EPHA5: variants seen among roughly 807,000 people sequenced by gnomAD.
EPHA5 encodes ephrin type-A receptor 5.
EPHA5 carries 60 observed loss-of-function variants against 105.0 expected under a neutral mutation model. The observed-to-expected ratio is 0.57, with a 90% CI of 0.46 to 0.71. EPHA5 has a LOEUF of 0.71. Among genes scored for constraint, EPHA5 ranks in the 30% least tolerant of loss-of-function variants. The pLI is 0.00. For missense variants in EPHA5, 1,218 were observed against 1,274.7 expected, an observed-to-expected ratio of 0.96 and a Z score of 0.68; for synonymous variants, 513 against 449.1, an observed-to-expected ratio of 1.14 and a Z score of -1.80.
intron 1 of EPHA5, among the ~76,000 whole-genome samples, chr4:65,650,905 T>G (rs1748552253): frequency 6.6e-6 from 1 of 152,212 alleles, no homozygotes; most frequent in African/African-American, 2.4e-5. Context: ...TCTTATTATT[T>G]TGACACAAGT....
intron 5 of EPHA5, among the ~76,000 whole-genome samples, chr4:65,475,779 A>T (rs1262337977): frequency 6.6e-6 from 1 of 152,170 alleles, no homozygotes. Flanking sequence ...CCACGTTTAC[A>T]TTGAATAGCA....
intron 1 of EPHA5, among the ~76,000 whole-genome samples, chr4:65,656,606 A>C (rs1247571466): frequency 6.8e-6 from 1 of 147,430 alleles, no homozygotes; most frequent in Non-Finnish European, 1.5e-5. Context: ...TATAATATAT[A>C]TATAATAATG....
intron 8 of EPHA5, among the ~76,000 whole-genome samples, chr4:65,377,649 T>C (rs1377685282): frequency 6.6e-6 from 1 of 151,960 alleles, no homozygotes; most frequent in Non-Finnish European, 1.5e-5. Context: ...TCCAAATATA[T>C]ATTTTCAGAG....
At chr4:65,369,272 T>C (rs1718224791) in intron 8 of EPHA5, among the ~76,000 whole-genome samples, 1 of 152,160 alleles carries the variant, frequency 6.6e-6, no homozygotes, top group African/African-American at 2.4e-5. Context: ...AATTGATGAT[T>C]AAGTGTACAA....
rs1719575000 is a variant in EPHA5, at chr4:65,320,700, G to A, written c.*3414C>T. ...AAGTAGAAGACATGAAAACACATAA[G>A]TGCTCAAATGATATTAACTTTCCAT... is the stretch of plus-strand genomic sequence containing the variant. On this transcript the variant is annotated 3_prime_UTR_variant, in exon 17 of 17. Coordinates refer to ENST00000613740, the MANE Select transcript of EPHA5 (RefSeq NM_001281766.3). The A allele has an allele frequency of 4.3e-6, 1 of 229,944 alleles. No homozygotes were observed. Among genetic ancestry groups the A allele is most frequent in the South Asian group, 1.8e-4 (1 of 5,502 alleles). 14.2% of individuals were successfully genotyped at this position (229,944 alleles called of 1,614,324 possible). A position where few individuals can be genotyped will look rare whatever the true frequency, so the allele number is the denominator to read the frequency against.
chr4:65,601,243 T>A (rs1405191352), intron 3 of EPHA5, among the ~76,000 whole-genome samples: 1 of 152,190 alleles, frequency 6.6e-6, no homozygotes. Flanking sequence ...ATCTAAGATT[T>A]TGCATTTAAA....
chr4:65,561,309 T>G (rs757518143), intron 3 of EPHA5, among the ~76,000 whole-genome samples: 1 of 152,070 alleles, frequency 6.6e-6, no homozygotes, highest in Non-Finnish European at 1.5e-5. Context: ...ATCACTAGAA[T>G]GCCAATCACT....
Position 65,414,500 on chromosome 4 carries a change from GC to G in EPHA5, c.1528-58del, listed in dbSNP as rs1723209879. ...GACAGCATATAAATTACTAATGACA[GC>G]AAAATTTAGAATCATAGATCAGAAA... On this transcript the variant is annotated intron_variant, in intron 6 of 16. Transcript: ENST00000613740. 3.2e-6 allele frequency: 5 copies of G among 1,543,630 alleles called. No homozygotes were observed. The East Asian group carries it at 1.1e-4, about 35-fold the overall frequency.
At chr4:65,600,027 A>G (rs1451191190) in intron 3 of EPHA5, among the ~76,000 whole-genome samples, 1 of 152,212 alleles carries the variant, frequency 6.6e-6, no homozygotes, top group Non-Finnish European at 1.5e-5. Context: ...ATTCTCTAAA[A>G]TGATAGAAAC....
chr4:65,426,489 CT>C (rs149949084), intron 5 of EPHA5, among the ~76,000 whole-genome samples: 2,636 of 152,054 alleles, frequency 0.017, 69 homozygotes, highest in African/African-American at 0.06. Context: ...TATTTCTTTA[CT>C]TGTGTATTGT....
chr4:65,568,182 AC>A (rs1739755529), intron 3 of EPHA5, among the ~76,000 whole-genome samples: 1 of 151,518 alleles, frequency 6.6e-6, no homozygotes, highest in Admixed American at 6.6e-5. Flanking sequence ...TTTTCAAACA[AC>A]TTTTAATTTT....
At chr4:65,661,337 T>C (rs533063208) in intron 1 of EPHA5, among the ~76,000 whole-genome samples, 1 of 152,234 alleles carries the variant, frequency 6.6e-6, no homozygotes, top group Admixed American at 6.5e-5. Context: ...GTTTCACAAG[T>C]TTAAATCAAA....
intron 1 of EPHA5, among the ~76,000 whole-genome samples, chr4:65,660,031 C>T (rs998346593): frequency 7.2e-5 from 11 of 152,134 alleles, no homozygotes; most frequent in African/African-American, 2.6e-4. Context: ...TAATGAATTT[C>T]TATACAGACT....
chr4:65,432,999 C>T (rs1406416482), intron 5 of EPHA5, among the ~76,000 whole-genome samples: 2 of 151,892 alleles, frequency 1.3e-5, no homozygotes, highest in African/African-American at 2.4e-5. Context: ...TATAATGATA[C>T]AATGTGGTGT....
At chr4:65,488,902 T>TTTG in intron 5 of EPHA5, among the ~76,000 whole-genome samples, 1 of 150,158 alleles carries the variant, frequency 6.7e-6, no homozygotes, top group Non-Finnish European at 1.5e-5. Context: ...TTTTTTTTTT[T>TTTG]TGAGACGGAG....
At chr4:65,576,648 T>A (rs536922625) in intron 3 of EPHA5, among the ~76,000 whole-genome samples, 2 of 152,336 alleles carry the variant, frequency 1.3e-5, no homozygotes, top group Non-Finnish European at 2.9e-5. Context: ...GTTAAATGTC[T>A]TCCTCCAGTT....
At chr4:65,509,932 G>A (rs748187897) in intron 3 of EPHA5, among the ~76,000 whole-genome samples, 9 of 152,064 alleles carry the variant, frequency 5.9e-5, no homozygotes, top group Non-Finnish European at 1.3e-4. Context: ...GTTCAGGACA[G>A]GTGGATCTGG....
At chr4:65,537,548 A>T (rs182922184) in intron 3 of EPHA5, among the ~76,000 whole-genome samples, 1 of 151,892 alleles carries the variant, frequency 6.6e-6, no homozygotes, top group East Asian at 1.9e-4. Context: ...GGCTCAATAT[A>T]TCTTTTAGTT....
intron 5 of EPHA5, among the ~76,000 whole-genome samples, chr4:65,446,669 G>A (rs953294634): frequency 6.6e-6 from 1 of 152,186 alleles, no homozygotes; most frequent in Non-Finnish European, 1.5e-5. Flanking sequence ...AAAGAGTGTA[G>A]GGATGCTCAT....
Sources: gnomAD v4.1 joint callset for allele counts (sites outside exome capture counted in the v4.1 genomes callset) on GRCh38, gnomAD v4.1.1 for gene constraint, MANE v1.5 for transcripts, NCBI Gene and HGNC (gene_info 2026-07-23, HGNC 2026-07-21) for gene names.